Variants in ZFYVE28 observed in about 807,000 individuals in gnomAD.
ZFYVE28 encodes the protein zinc finger FYVE-type containing 28.
A neutral mutation model predicts 82.1 loss-of-function variants in ZFYVE28; 40 were observed. The observed-to-expected ratio is 0.49, with a 90% CI of 0.38 to 0.63. The LOEUF (loss-of-function observed/expected upper bound fraction) is 0.63. ZFYVE28 is among the 30% of genes least tolerant of loss of function. ZFYVE28 has a pLI of 0.00. For synonymous variants in ZFYVE28, 612 were observed against 546.1 expected, an observed-to-expected ratio of 1.12 and a Z score of -1.68; for missense variants, 1,321 against 1,242.1, an observed-to-expected ratio of 1.06 and a Z score of -0.96.
chr4:2,414,050 A>C (rs1732788812), intron 1 of ZFYVE28, among the ~76,000 whole-genome samples: 1 of 151,330 alleles, frequency 6.6e-6, no homozygotes, highest in Non-Finnish European at 1.5e-5. Flanking sequence ...CCCACCCCCC[A>C]CTCTGGGGCC....
chr4:2,304,863 CCT>C lies in ZFYVE28; in HGVS notation c.1475_1476del (p.Glu492GlyfsTer5), dbSNP rs1383501204. The stretch of plus-strand genomic sequence containing the variant: ...GCCGTCTCTGCGTCATCCGCACCCA[CCT>C]CCCAGCCGTCCAGGTGCAGCCGCGA... ...LDSRLHLDGWEVGADDAETAE... is the reference protein window; with the variant it reads ...LDSRLHLDGWXVGADDAETAE... On this transcript the variant is annotated frameshift_variant, in exon 8 of 13. Coordinates refer to ENST00000290974, the MANE Select transcript of ZFYVE28 (RefSeq NM_020972.3). LOFTEE classifies it high-confidence loss of function. The C allele has an allele frequency of 1.2e-6, 2 of 1,612,674 alleles. No individual in the cohort carries two copies. Among genetic ancestry groups the C allele is most frequent in the Non-Finnish European group, 1.7e-6 (2 of 1,179,850 alleles).
At chr4:2,355,285 T>C (rs1337361291) in intron 1 of ZFYVE28, among the ~76,000 whole-genome samples, 1 of 101,438 alleles carries the variant, frequency 9.9e-6, no homozygotes, top group Admixed American at 1.1e-4. Flanking sequence ...GATTCTTCTT[T>C]TTTTTTTTTT....
chr4:2,364,570 G>A (rs1726608979), intron 1 of ZFYVE28: 8 of 985,532 alleles, frequency 8.1e-6, no homozygotes, highest in African/African-American at 1.7e-5. Flanking sequence ...TTAGACGGTC[G>A]GCACTGGGCA....
At chr4:2,310,203 TA>T (rs1346123088) in intron 7 of ZFYVE28, among the ~76,000 whole-genome samples, 1 of 152,080 alleles carries the variant, frequency 6.6e-6, no homozygotes, top group Non-Finnish European at 1.5e-5. Flanking sequence ...CATGCTCAAC[TA>T]ATTTGTAAAT....
intron 7 of ZFYVE28, among the ~76,000 whole-genome samples, chr4:2,319,808 ACGGTGGGGATGGTGGGGAT>A (rs1718784407): frequency 1.1e-5 from 1 of 94,414 alleles, no homozygotes; most frequent in African/African-American, 4.1e-5. Flanking sequence ...GACGGTGGGG[ACGGTGGGGATGGTGGGGAT>A]GGTGGGGACG....
chr4:2,410,425 G>A (rs1429385536), intron 1 of ZFYVE28, among the ~76,000 whole-genome samples: 4 of 148,380 alleles, frequency 2.7e-5, no homozygotes, highest in East Asian at 1.9e-4. Flanking sequence ...GGCTCATGGC[G>A]ATGGCTTGTA....
chr4:2,270,970 C>A (rs917562770), intron 12 of ZFYVE28, 114 bp from the exon 13 acceptor site: 4 of 1,457,948 alleles, frequency 2.7e-6, no homozygotes, highest in Non-Finnish European at 2.8e-6. Flanking sequence ...TGGGTGGGGA[C>A]TGCCCAGCCC....
At chr4:2,321,738 A>G (rs1719104508) in intron 6 of ZFYVE28, among the ~76,000 whole-genome samples, 1 of 152,070 alleles carries the variant, frequency 6.6e-6, no homozygotes, top group Non-Finnish European at 1.5e-5. Context: ...GCCATCCACA[A>G]CCACAGTAGA....
chr4:2,342,022 G>C (rs1001110632), intron 2 of ZFYVE28, among the ~76,000 whole-genome samples: 1 of 152,312 alleles, frequency 6.6e-6, no homozygotes, highest in Admixed American at 6.5e-5. Context: ...AACCGCAGGA[G>C]CCATGGGCTC....
rs1048354700 is a variant in ZFYVE28, at chr4:2,358,441, C to T, written c.40-4368G>A. Among the ~76,000 whole-genome samples, 15 of 152,262 alleles carry T rather than the reference C, an allele frequency of 9.9e-5. No individual in the cohort carries two copies. The South Asian group carries it at 1.5e-3, about 15-fold the overall frequency. The stretch of plus-strand genomic sequence containing the variant: ...TGGGAGGTAGGGAACCCTTCAGGGA[C>T]GGGCCTGATACTTGACCCCTCCTGG... On this transcript the variant is annotated intron_variant, in intron 1 of 12. Transcript: ENST00000290974.
intron 1 of ZFYVE28, among the ~76,000 whole-genome samples, chr4:2,358,375 A>T (rs3135126): frequency 0.68 from 102,862 of 152,096 alleles, 35,035 homozygotes; most frequent in East Asian, 0.8. Flanking sequence ...CTTGGCAGGG[A>T]AAATGCTAGA....
intron 8 of ZFYVE28, among the ~76,000 whole-genome samples, chr4:2,277,510 A>T (rs142243717): frequency 1.8e-4 from 28 of 152,132 alleles, no homozygotes; most frequent in South Asian, 1.5e-3. Flanking sequence ...AATAAAAATT[A>T]AAAAAAAGAT....
chr4:2,414,126 T>G (rs1732797332), intron 1 of ZFYVE28, among the ~76,000 whole-genome samples: 1 of 152,078 alleles, frequency 6.6e-6, no homozygotes. Context: ...AGGTACAGAG[T>G]GCTGGCCACC....
intron 1 of ZFYVE28, among the ~76,000 whole-genome samples, chr4:2,371,669 A>G (rs1727568627): frequency 6.6e-6 from 1 of 152,236 alleles, no homozygotes; most frequent in Non-Finnish European, 1.5e-5. Flanking sequence ...CAAACAAACA[A>G]AAAACAGAAA....
At chr4:2,312,344 C>G (rs921018594) in intron 7 of ZFYVE28, among the ~76,000 whole-genome samples, 14 of 152,092 alleles carry the variant, frequency 9.2e-5, no homozygotes, top group African/African-American at 3.4e-4. Context: ...TCAAAACCAG[C>G]CTGGGCAACA....
chr4:2,413,546 A>T (rs1732738709), intron 1 of ZFYVE28, among the ~76,000 whole-genome samples: 1 of 151,820 alleles, frequency 6.6e-6, no homozygotes, highest in African/African-American at 2.4e-5. Context: ...CCGCCAGGAG[A>T]GGGAGCACCG....
chr4:2,319,793 TTGGGGACGG>T (rs1430925056), intron 7 of ZFYVE28, among the ~76,000 whole-genome samples: 4 of 124,512 alleles, frequency 3.2e-5, no homozygotes, highest in South Asian at 5.5e-4. Context: ...AGCAAGCGCT[TTGGGGACGG>T]TGGGGACGGT....
At chr4:2,359,659 G>A (rs1424467986) in intron 1 of ZFYVE28, among the ~76,000 whole-genome samples, 1 of 152,204 alleles carries the variant, frequency 6.6e-6, no homozygotes, top group Non-Finnish European at 1.5e-5. Flanking sequence ...CTCCAGGACT[G>A]AGAGAAAATA....
rs1418786126 is a variant in ZFYVE28, at chr4:2,335,166, A to G, written c.701+539T>C. On this transcript the variant is annotated intron_variant, in intron 6 of 12. Transcript: ENST00000290974. This position sits in a 1 kb window ranked among gnomAD's most constrained non-coding sequence, Gnocchi z 5.8. ...TGCTCTCCCAGACGGCCCCGCTGGC[A>G]GGAAAGGTTCCACACAGGTATTCCA... 2.0e-5 allele frequency among the ~76,000 whole-genome samples: 3 copies of G among 151,848 alleles called. No individual in the cohort carries two copies. Among genetic ancestry groups the G allele is most frequent in the Non-Finnish European group, 4.4e-5 (3 of 67,928 alleles).
Sources: allele counts gnomAD v4.1 joint callset (sites outside exome capture counted in the v4.1 genomes callset), GRCh38; gene constraint gnomAD v4.1.1; non-coding constraint Gnocchi (gnomAD v3.1); transcripts MANE v1.5; gene names NCBI Gene and HGNC (gene_info 2026-07-23, HGNC 2026-07-21).